LRRC7: variants seen among roughly 807,000 people sequenced by gnomAD.
The protein encoded by LRRC7 is leucine rich repeat containing 7, also known as leucine-rich repeat-containing protein 7.
Under a neutral mutation model 175.7 loss-of-function variants are expected in LRRC7, and 23 were observed. The ratio of observed to expected loss-of-function variants is 0.13; its 90% CI spans 0.09 to 0.19. LRRC7 has a LOEUF of 0.19. LRRC7 is among the 10% of genes least tolerant of loss of function. LRRC7 has a pLI of 1.00. For missense variants in LRRC7, 1,354 were observed against 1,904.7 expected (o/e 0.71, Z 5.38); for synonymous variants, 685 against 680.9 (o/e 1.01, Z -0.09).
intron 23 of LRRC7, among the ~76,000 whole-genome samples, chr1:70,074,237 T>G (rs1459785293): frequency 1.3e-5 from 2 of 150,402 alleles, no homozygotes; most frequent in Non-Finnish European, 3.0e-5. Context: ...GATCAAAATG[T>G]GATACTGAGC....
intron 7 of LRRC7, among the ~76,000 whole-genome samples, chr1:69,925,195 G>A (rs1274149808): frequency 2.6e-5 from 4 of 152,086 alleles, no homozygotes; most frequent in African/African-American, 9.7e-5. Flanking sequence ...TGCTGGATTC[G>A]GTTTGCCAGT....
intron 2 of LRRC7, among the ~76,000 whole-genome samples, chr1:69,741,605 G>A (rs1010192302): frequency 5.9e-5 from 9 of 151,868 alleles, no homozygotes; most frequent in Non-Finnish European, 8.8e-5. Context: ...ACAGAGACAG[G>A]TATGAGGAAG....
At chr1:69,676,442 A>C (rs1279699144) in intron 1 of LRRC7, among the ~76,000 whole-genome samples, 2 of 152,112 alleles carry the variant, frequency 1.3e-5, no homozygotes, top group East Asian at 1.9e-4. Flanking sequence ...AAATACTATG[A>C]TTTAGTTCCA....
intron 3 of LRRC7, among the ~76,000 whole-genome samples, chr1:69,770,605 A>T (rs1488421751): frequency 1.3e-5 from 2 of 152,192 alleles, no homozygotes; most frequent in Non-Finnish European, 2.9e-5. Flanking sequence ...AGTTGTCATG[A>T]TTGAGAATAT....
chr1:69,691,797 C>CAAAA (rs57676937), intron 2 of LRRC7, among the ~76,000 whole-genome samples: 208 of 85,110 alleles, frequency 2.4e-3, no homozygotes, highest in African/African-American at 4.6e-3. Flanking sequence ...GACCCTGTCT[C>CAAAA]AAAAAAAAAA....
chr1:69,696,576 G>A (rs1236755378), intron 2 of LRRC7, among the ~76,000 whole-genome samples: 1 of 151,974 alleles, frequency 6.6e-6, no homozygotes, highest in African/African-American at 2.4e-5. Flanking sequence ...GGAGTGGAAT[G>A]ATATGGCTTA....
At chr1:69,781,818 G>A (rs1336559127) in intron 3 of LRRC7, among the ~76,000 whole-genome samples, 3 of 95,520 alleles carry the variant, frequency 3.1e-5, no homozygotes, top group East Asian at 3.6e-4. Context: ...AGGAAGGAAG[G>A]AAGGAAGGAA....
Position 70,136,726 on chromosome 1 carries a change from T to C in LRRC7, c.*14839T>C, listed in dbSNP as rs1157773254. On this transcript the variant is annotated 3_prime_UTR_variant, in exon 27 of 27. Transcript: ENST00000651989. The stretch of plus-strand genomic sequence containing the variant: ...CTTTATTGCTTTTTTAATGCCTTTT[T>C]TTTTTTTTTTTTTTTTTTTCTGAGA... Among the ~76,000 whole-genome samples the C allele has an allele frequency of 4.1e-4, 56 of 137,282 alleles. No homozygotes were observed. Among genetic ancestry groups the C allele is most frequent in the Non-Finnish European group, 1.3e-4 (8 of 63,294 alleles). 90.1% of individuals were successfully genotyped at this position (137,282 alleles called of 152,430 possible).
Position 70,038,104 on chromosome 1 carries a change from T to C in LRRC7, c.2289-9T>C. On this transcript the variant is annotated splice_polypyrimidine_tract_variant and intron_variant, in intron 20 of 26. Transcript: ENST00000651989. The stretch of plus-strand genomic sequence containing the variant: ...CCTTTTCAATTTCTTCTTCCCATTG[T>C]GTTCACAGGATTGCACCATCTTTCC... 3 of 1,583,646 alleles carry C rather than the reference T, an allele frequency of 1.9e-6. No homozygotes were observed. Among genetic ancestry groups the C allele is most frequent in the South Asian group, 2.3e-5 (2 of 85,800 alleles).
At chr1:69,884,752 T>C (rs1028933376) in intron 7 of LRRC7, among the ~76,000 whole-genome samples, 1 of 146,952 alleles carries the variant, frequency 6.8e-6, no homozygotes, top group Non-Finnish European at 1.5e-5. Flanking sequence ...GGCTGTGGGT[T>C]TGTCATAGGT....
intron 1 of LRRC7, among the ~76,000 whole-genome samples, chr1:69,653,698 T>C (rs1189520538): frequency 6.6e-6 from 1 of 152,080 alleles, no homozygotes; most frequent in Non-Finnish European, 1.5e-5. Context: ...AATATATTTA[T>C]GCCCTTATGA....
chr1:69,869,868 T>C (rs1489550008), intron 7 of LRRC7, among the ~76,000 whole-genome samples: 2 of 152,190 alleles, frequency 1.3e-5, no homozygotes, highest in African/African-American at 4.8e-5. Flanking sequence ...TAGGCTTTCA[T>C]GTGCTAGCCA....
chr1:69,660,553 G>A (rs1657308396), intron 1 of LRRC7, among the ~76,000 whole-genome samples: 1 of 152,086 alleles, frequency 6.6e-6, no homozygotes. Flanking sequence ...GTTGATGTAG[G>A]AGTGGTATGC....
intron 1 of LRRC7, among the ~76,000 whole-genome samples, chr1:69,638,600 G>A (rs1653744464): frequency 6.6e-6 from 1 of 151,636 alleles, no homozygotes. Context: ...ATTAAGCCAA[G>A]AGCACTCACC....
chr1:69,807,550 C>G (rs1171894773), intron 4 of LRRC7, among the ~76,000 whole-genome samples: 1 of 152,054 alleles, frequency 6.6e-6, no homozygotes, highest in South Asian at 2.1e-4. Context: ...TTCTCCTTCG[C>G]TTGTGAAGCT....
rs920376412 is a variant in LRRC7 at position 70,138,134 on chromosome 1, C to T, written c.*16247C>T. On this transcript the variant is annotated 3_prime_UTR_variant, in exon 27 of 27. Coordinates refer to ENST00000651989, the MANE Select transcript of LRRC7 (RefSeq NM_001370785.2). ...GAAACTTAGTGTCATTGCGCATCAA[C>T]TTAGAAAATGTGAATTGATTAAAAA... The T allele has an allele frequency of 1.3e-5, 2 of 152,146 alleles. No homozygotes were observed. The highest frequency in any genetic ancestry group is 4.8e-5 in the African/African-American group (2 of 41,418). The allele number at this position is 152,146 out of a possible 1,614,324, so 9.4% of individuals were successfully genotyped here.
At chr1:70,056,836 G>A (rs565008713) in intron 23 of LRRC7, among the ~76,000 whole-genome samples, 1 of 152,250 alleles carries the variant, frequency 6.6e-6, no homozygotes, top group African/African-American at 2.4e-5. Context: ...ACAAGGGAAA[G>A]TAACACTTTG....
At position 70,095,962 on chromosome 1, in the gene LRRC7, GTTTT is replaced by G. The variant is rs774285854; in HGVS notation, c.4545+6148_4545+6151del. Among the ~76,000 whole-genome samples the G allele has an allele frequency of 1.8e-3, 280 of 151,424 alleles. 1 individual carries two copies. Among genetic ancestry groups the G allele is most frequent in the Non-Finnish European group, 3.2e-3 (218 of 67,716 alleles). On this transcript the variant is annotated intron_variant, in intron 25 of 26. Transcript: ENST00000651989. ...ACCAAAGTACACATATATGCATGTT[GTTTT>G]TTTTGTTTTTTTTTGTTTTTTGTTT...
chr1:69,690,239 T>C (rs1307554350), intron 2 of LRRC7, among the ~76,000 whole-genome samples: 2 of 152,202 alleles, frequency 1.3e-5, no homozygotes, highest in African/African-American at 4.8e-5. Context: ...CAGTCGTTTG[T>C]GTAGGACTTG....
Sources: gnomAD v4.1 joint callset for allele counts (sites outside exome capture counted in the v4.1 genomes callset) on GRCh38, gnomAD v4.1.1 for gene constraint, MANE v1.5 for transcripts, NCBI Gene and HGNC (gene_info 2026-07-23, HGNC 2026-07-21) for gene names.